The following CHIC1 variants were observed in gnomAD, a reference collection of about 807,000 sequenced individuals.
CHIC1 encodes cysteine rich hydrophobic domain 1.
CHIC1 carries 7 observed loss-of-function variants against 18.5 expected under a neutral mutation model. The observed-to-expected ratio is 0.38, with a 90% CI of 0.22 to 0.71. The LOEUF (loss-of-function observed/expected upper bound fraction) is 0.71, where lower values mean the gene tolerates loss of function less well. Among genes scored for constraint, CHIC1 ranks in the 30% least tolerant of loss-of-function variants. The pLI, the probability that CHIC1 is intolerant of heterozygous loss-of-function variation, is 0.49. For missense variants in CHIC1, 159 were observed against 176.9 expected, an observed-to-expected ratio of 0.90 and a Z score of 0.57; for synonymous variants, 77 against 73.5, an observed-to-expected ratio of 1.05 and a Z score of -0.25.
chrX:73,577,343 TA>T (rs1394870561), intron 1 of CHIC1, 63 bp from the exon 2 acceptor site: 32 of 889,817 alleles, frequency 3.6e-5, no homozygotes, highest in South Asian at 8.6e-5. Flanking sequence ...AACTTTTTTT[TA>T]AAAAAAAGGG....
At chrX:73,655,336 C>A (rs1351009662) in intron 3 of CHIC1, among the ~76,000 whole-genome samples, 1 of 101,950 alleles carries the variant, frequency 9.8e-6, no homozygotes, top group African/African-American at 3.6e-5. Context: ...ACTATATACA[C>A]TATATATACA....
At chrX:73,667,640 T>C (rs1569505376) in intron 3 of CHIC1, among the ~76,000 whole-genome samples, 1 of 111,548 alleles carries the variant, frequency 9.0e-6, no homozygotes, top group African/African-American at 3.3e-5. Flanking sequence ...AATTTGGGGG[T>C]TGGAAATTCT....
At chrX:73,668,238 T>C (rs978536847) in intron 3 of CHIC1, among the ~76,000 whole-genome samples, 3 of 112,234 alleles carry the variant, frequency 2.7e-5, no homozygotes, top group African/African-American at 9.7e-5. Context: ...CTAAACTGGC[T>C]ATTTTGGCTG....
rs1294712054 is a variant in CHIC1 at position 73,588,292 on chromosome X, AG to A, written c.507+3721del. 1.3e-3 allele frequency among the ~76,000 whole-genome samples: 143 copies of A among 110,977 alleles called. 1 individual carries two copies. The highest frequency in any genetic ancestry group is 4.3e-3 in the African/African-American group (132 of 30,716). On this transcript the variant is annotated intron_variant, in intron 3 of 5. Transcript: ENST00000373502. Reference sequence around the variant, plus strand: ...CTCCCAATTTCCCTCCAATCCTCCCAGCCCTATACAACCACTGATCTACTTT... The same window carrying A: ...CTCCCAATTTCCCTCCAATCCTCCCACCCTATACAACCACTGATCTACTTT...
intron 3 of CHIC1, among the ~76,000 whole-genome samples, chrX:73,587,817 G>A (rs1020076227): frequency 9.0e-6 from 1 of 111,504 alleles, no homozygotes; most frequent in Non-Finnish European, 1.9e-5. Context: ...TGCATAAAGT[G>A]AGTGCATAGA....
In CHIC1 at chrX:73,681,541, T is replaced by A. The variant is rs1038075151; in HGVS notation, c.*536T>A. The stretch of plus-strand genomic sequence containing the variant: ...ATCACTTATGTTAGTGGATAAAATA[T>A]TTAAACTCCTAAAGACTTGTAAATA... On this transcript the variant is annotated 3_prime_UTR_variant, in exon 6 of 6. Coordinates refer to ENST00000373502, the MANE Select transcript of CHIC1 (RefSeq NM_001039840.4). The A allele has an allele frequency of 2.7e-5, 3 of 112,581 alleles. No individual in the cohort carries two copies. The South Asian group carries it at 1.1e-3, about 41-fold the overall frequency. The allele number at this position is 112,581 out of a possible 1,213,427, so 9.3% of individuals were successfully genotyped here.
intron 3 of CHIC1, among the ~76,000 whole-genome samples, chrX:73,632,601 T>C (rs2057812393): frequency 9.1e-6 from 1 of 110,206 alleles, no homozygotes; most frequent in African/African-American, 3.3e-5. Context: ...ATCTTTTGTG[T>C]GTCTACTATA....
At chrX:73,602,396 T>C (rs779722411) in intron 3 of CHIC1, among the ~76,000 whole-genome samples, 1 of 109,143 alleles carries the variant, frequency 9.2e-6, no homozygotes, top group African/African-American at 3.5e-5. Flanking sequence ...TTTAAGTTTC[T>C]TGTAGATTCT....
At chrX:73,677,815 C>T (rs756546103) in intron 3 of CHIC1, among the ~76,000 whole-genome samples, 34 of 112,234 alleles carry the variant, frequency 3.0e-4, no homozygotes, top group African/African-American at 9.1e-4. Context: ...AGAAATCACC[C>T]GTCTTCTGCG....
chrX:73,627,681 C>T (rs564714507), intron 3 of CHIC1, among the ~76,000 whole-genome samples: 2 of 111,561 alleles, frequency 1.8e-5, no homozygotes, highest in East Asian at 2.8e-4. Context: ...GCTGCCCAGC[C>T]TTCAAATCAC....
At chrX:73,647,400 A>T (rs1013942057) in intron 3 of CHIC1, among the ~76,000 whole-genome samples, 1 of 111,921 alleles carries the variant, frequency 8.9e-6, no homozygotes, top group African/African-American at 3.2e-5. Flanking sequence ...AAGCTGATTG[A>T]GCTCCCTGGG....
At chrX:73,591,337 C>T (rs1388045075) in intron 3 of CHIC1, among the ~76,000 whole-genome samples, 1 of 110,022 alleles carries the variant, frequency 9.1e-6, no homozygotes, top group East Asian at 2.9e-4. Context: ...CTCCAAATTC[C>T]CTCACTCACC....
At chrX:73,618,374 G>A (rs2057742902) in intron 3 of CHIC1, among the ~76,000 whole-genome samples, 1 of 111,238 alleles carries the variant, frequency 9.0e-6, no homozygotes, top group Non-Finnish European at 1.9e-5. Context: ...TACCAGAGTG[G>A]GTAGAGAAAG....
At chrX:73,644,851 A>G (rs1484099681) in intron 3 of CHIC1, among the ~76,000 whole-genome samples, 1 of 110,143 alleles carries the variant, frequency 9.1e-6, no homozygotes, top group Non-Finnish European at 1.9e-5. Context: ...GAGTGACCCA[A>G]TTTTCCAGGT....
chrX:73,574,486 C>T (rs1323899452), intron 1 of CHIC1, among the ~76,000 whole-genome samples: 2 of 110,029 alleles, frequency 1.8e-5, no homozygotes, highest in South Asian at 7.6e-4. Context: ...TTTTTGGAAT[C>T]GTTTCAGTGG....
chrX:73,647,698 G>A (rs1212128498), intron 3 of CHIC1, among the ~76,000 whole-genome samples: 2 of 112,138 alleles, frequency 1.8e-5, no homozygotes, highest in African/African-American at 6.5e-5. Flanking sequence ...TGGGCTCAGG[G>A]ACAGAACTCT....
chrX:73,675,770 C>T (rs747381554), intron 3 of CHIC1, among the ~76,000 whole-genome samples: 4 of 110,879 alleles, frequency 3.6e-5, no homozygotes, highest in South Asian at 3.9e-4. Flanking sequence ...TTGATCCTGT[C>T]GTTATGATGT....
Position 73,599,943 on chromosome X carries a change from T to C in CHIC1, c.507+15371T>C, listed in dbSNP as rs1470573491. Among the ~76,000 whole-genome samples the C allele has an allele frequency of 4.4e-4, 43 of 96,872 alleles. 1 individual carries two copies. The highest frequency in any genetic ancestry group is 1.9e-3 in the African/African-American group (41 of 22,009). 84.1% of individuals were successfully genotyped at this position (96,872 alleles called of 115,157 possible). ...TTGGGCAGTATGGCCATTTTCACGA[T>C]ATTGATTCTTCCTACCCATGAGCAT... On this transcript the variant is annotated intron_variant, in intron 3 of 5. Coordinates refer to ENST00000373502, the MANE Select transcript of CHIC1 (RefSeq NM_001039840.4).
At chrX:73,586,160 C>G (rs2057552133) in intron 3 of CHIC1, among the ~76,000 whole-genome samples, 1 of 111,258 alleles carries the variant, frequency 9.0e-6, no homozygotes, top group African/African-American at 3.3e-5. Flanking sequence ...AATACCGGGC[C>G]CACATGGCTA....
Sources: gnomAD v4.1 joint callset for allele counts (sites outside exome capture counted in the v4.1 genomes callset) on GRCh38, gnomAD v4.1.1 for gene constraint, MANE v1.5 for transcripts, NCBI Gene and HGNC (gene_info 2026-07-23, HGNC 2026-07-21) for gene names.